HTR7: variants seen among roughly 807,000 people sequenced by gnomAD.
The protein encoded by HTR7 is 5-HT-7.
A neutral mutation model predicts 34.0 loss-of-function variants in HTR7; 16 were observed. The ratio of observed to expected loss-of-function variants is 0.47; its 90% CI spans 0.32 to 0.71. HTR7 has a LOEUF of 0.71. HTR7 is among the 30% of genes least tolerant of loss of function. The probability of loss-of-function intolerance (pLI) is 0.04; values close to 1 mark genes in which losing one functional copy is unlikely to be tolerated. For synonymous variants in HTR7, 265 were observed against 260.2 expected, an observed-to-expected ratio of 1.02 and a Z score of -0.18; for missense variants, 504 against 625.5, an observed-to-expected ratio of 0.81 and a Z score of 2.07.
chr10:90,781,868 C>A (rs1206278572), intron 1 of HTR7, among the ~76,000 whole-genome samples: 1 of 152,244 alleles, frequency 6.6e-6, no homozygotes, highest in Non-Finnish European at 1.5e-5. Flanking sequence ...TAAGCACAGG[C>A]AGCAGTCAAA....
chr10:90,772,294 T>G (rs1030821197), intron 1 of HTR7, among the ~76,000 whole-genome samples: 1 of 152,178 alleles, frequency 6.6e-6, no homozygotes, highest in Non-Finnish European at 1.5e-5. Context: ...TAAAATGGAA[T>G]CATTATAATA....
intron 2 of HTR7, among the ~76,000 whole-genome samples, chr10:90,744,448 T>C: frequency 6.6e-6 from 1 of 151,850 alleles, no homozygotes; most frequent in Non-Finnish European, 1.5e-5. Flanking sequence ...TGCTACTGCA[T>C]CAGTCTTGAC....
intron 1 of HTR7, among the ~76,000 whole-genome samples, chr10:90,754,357 C>T (rs1447161297): frequency 6.6e-6 from 1 of 151,266 alleles, no homozygotes; most frequent in Non-Finnish European, 1.5e-5. Flanking sequence ...TCTTCCAAAC[C>T]TTGTATAGGA....
At chr10:90,782,764 T>G (rs538947562) in intron 1 of HTR7, among the ~76,000 whole-genome samples, 1 of 152,376 alleles carries the variant, frequency 6.6e-6, no homozygotes, top group South Asian at 2.1e-4. Flanking sequence ...TAATATTTTC[T>G]AATGCCACTC....
chr10:90,824,702 G>C (rs1295881844), intron 1 of HTR7, among the ~76,000 whole-genome samples: 1 of 152,194 alleles, frequency 6.6e-6, no homozygotes, highest in Non-Finnish European at 1.5e-5. Flanking sequence ...AAAAGCTCCT[G>C]GGCCTTAAGT....
chr10:90,775,697 C>T (rs114904978), intron 1 of HTR7, among the ~76,000 whole-genome samples: 3,799 of 152,280 alleles, frequency 0.025, 158 homozygotes, highest in African/African-American at 0.083. Flanking sequence ...AGATAACAGA[C>T]TCTATAGAGA....
intron 1 of HTR7, among the ~76,000 whole-genome samples, chr10:90,787,808 G>A (rs1329035801): frequency 6.6e-6 from 1 of 152,062 alleles, no homozygotes; most frequent in Non-Finnish European, 1.5e-5. Flanking sequence ...AAGCTGGGAT[G>A]TGAAACCAGG....
At chr10:90,813,115 T>C (rs1845842235) in intron 1 of HTR7, among the ~76,000 whole-genome samples, 1 of 151,316 alleles carries the variant, frequency 6.6e-6, no homozygotes, top group Admixed American at 6.6e-5. Flanking sequence ...TTCCTTTACC[T>C]ACCCAAATCT....
intron 1 of HTR7, among the ~76,000 whole-genome samples, chr10:90,840,563 T>C (rs1474921664): frequency 1.3e-5 from 2 of 152,242 alleles, no homozygotes; most frequent in African/African-American, 2.4e-5. Context: ...GGAGTTTGTC[T>C]TGTTCTTTCA....
rs142697352 is a variant in HTR7 at position 90,795,420 on chromosome 10, G to C, written c.540-45826C>G. Among the ~76,000 whole-genome samples the C allele has an allele frequency of 7.0e-4, 106 of 152,246 alleles. No individual in the cohort carries two copies. In the East Asian group the frequency reaches 0.019, roughly 27 times the overall value. On this transcript the variant is annotated intron_variant, in intron 1 of 3. Coordinates refer to ENST00000336152, the MANE Select transcript of HTR7 (RefSeq NM_019859.4). ...CATGTCCACCACCACTTTCTAAGGA[G>C]AGTAATGACAGAAGTACAAAAATTT...
intron 1 of HTR7, among the ~76,000 whole-genome samples, chr10:90,836,657 G>A (rs576744706): frequency 5.1e-4 from 77 of 151,904 alleles, no homozygotes; most frequent in African/African-American, 1.4e-3. Context: ...ACTTACAGGC[G>A]TGTACCACCA....
At chr10:90,856,891 T>C (rs1422235985) in intron 1 of HTR7, among the ~76,000 whole-genome samples, 1 of 152,190 alleles carries the variant, frequency 6.6e-6, no homozygotes, top group East Asian at 1.9e-4. Context: ...TTAACTTTGG[T>C]CTTAAATTCG....
At chr10:90,758,246 G>A (rs1589437945) in intron 1 of HTR7, among the ~76,000 whole-genome samples, 1 of 147,842 alleles carries the variant, frequency 6.8e-6, no homozygotes, top group African/African-American at 2.5e-5. Flanking sequence ...TCAGGAGGCA[G>A]AGGCAGAAGA....
At chr10:90,821,887 C>T (rs867637167) in intron 1 of HTR7, among the ~76,000 whole-genome samples, 7 of 80,852 alleles carry the variant, frequency 8.7e-5, no homozygotes, top group African/African-American at 4.7e-4. Context: ...ATGGGAAAGA[C>T]ATGCTTGATT....
intron 1 of HTR7, among the ~76,000 whole-genome samples, chr10:90,750,434 C>T (rs1844715557): frequency 6.6e-6 from 1 of 152,164 alleles, no homozygotes; most frequent in African/African-American, 2.4e-5. Context: ...ACAGAGAAAA[C>T]ATATACAGAA....
intron 1 of HTR7, among the ~76,000 whole-genome samples, chr10:90,828,626 T>G (rs1310998384): frequency 6.6e-6 from 1 of 152,048 alleles, no homozygotes; most frequent in Non-Finnish European, 1.5e-5. Context: ...ACATACAACT[T>G]ACCAAGATTG....
chr10:90,753,485 G>T (rs539896277), intron 1 of HTR7, among the ~76,000 whole-genome samples: 81 of 152,210 alleles, frequency 5.3e-4, no homozygotes, highest in Non-Finnish European at 9.9e-4. Flanking sequence ...TTTATCATTT[G>T]CAAATATTTA....
intron 1 of HTR7, among the ~76,000 whole-genome samples, chr10:90,811,082 A>G (rs1845799766): frequency 6.6e-6 from 1 of 152,182 alleles, no homozygotes; most frequent in East Asian, 1.9e-4. Context: ...CCTTGAAGAC[A>G]GCTTTAGAGA....
chr10:90,804,109 T>G (rs1208016069), intron 1 of HTR7, among the ~76,000 whole-genome samples: 1 of 152,126 alleles, frequency 6.6e-6, no homozygotes, highest in Non-Finnish European at 1.5e-5. Context: ...TAGGAAAAGA[T>G]GCAGCTTAAC....
Sources: allele counts gnomAD v4.1 joint callset (sites outside exome capture counted in the v4.1 genomes callset), GRCh38; gene constraint gnomAD v4.1.1; transcripts MANE v1.5; gene names NCBI Gene and HGNC (gene_info 2026-07-23, HGNC 2026-07-21).